HDX: variants seen among roughly 807,000 people sequenced by gnomAD.
HDX encodes the protein chromosome X open reading frame 43.
In HDX, 19 loss-of-function variants were observed where a neutral mutation model predicts 45.2. The observed-to-expected ratio is 0.42, with a 90% confidence interval of 0.29 to 0.62. The LOEUF is 0.62. Ranked by LOEUF, HDX falls within the 20% of genes least tolerant of loss-of-function variation. The pLI, the probability that HDX is intolerant of heterozygous loss-of-function variation, is 0.20. For missense variants in HDX, 532 were observed against 493.9 expected (o/e 1.08, Z -0.73); for synonymous variants, 188 against 172.8 (o/e 1.09, Z -0.69).
intron 5 of HDX, among the ~76,000 whole-genome samples, chrX:84,386,162 T>C (rs950780379): frequency 7.2e-5 from 8 of 111,705 alleles, no homozygotes; most frequent in African/African-American, 2.6e-4. Flanking sequence ...CATTCATTGA[T>C]TTATGTATGT....
At chrX:84,490,024 C>T (rs1250048812) in intron 1 of HDX, among the ~76,000 whole-genome samples, 1 of 111,761 alleles carries the variant, frequency 8.9e-6, no homozygotes, top group Non-Finnish European at 1.9e-5. Context: ...TTAGTAATTT[C>T]CAACTTTTAA....
chrX:84,377,188 T>C (rs890559174), intron 5 of HDX, among the ~76,000 whole-genome samples: 3 of 112,382 alleles, frequency 2.7e-5, no homozygotes, highest in African/African-American at 9.7e-5. Context: ...CACAGCGTTA[T>C]TGGTCTTGAG....
At chrX:84,454,160 G>A (rs777039903) in intron 4 of HDX, among the ~76,000 whole-genome samples, 1 of 111,343 alleles carries the variant, frequency 9.0e-6, no homozygotes, top group East Asian at 2.9e-4. Flanking sequence ...TTGTGGGCAT[G>A]GGGAAAGACA....
intron 10 of HDX, among the ~76,000 whole-genome samples, chrX:84,322,405 G>C (rs2036615544): frequency 9.0e-6 from 1 of 111,524 alleles, no homozygotes; most frequent in Non-Finnish European, 1.9e-5. Context: ...CAGTTATGCT[G>C]TCCTTTGTAG....
chrX:84,336,491 T>C (rs958381306), intron 8 of HDX, among the ~76,000 whole-genome samples: 1 of 111,439 alleles, frequency 9.0e-6, no homozygotes, highest in Non-Finnish European at 1.9e-5. Context: ...ATCAAATAGG[T>C]AGAAATCTGC....
intron 2 of HDX, among the ~76,000 whole-genome samples, chrX:84,482,664 C>G (rs2040712941): frequency 9.0e-6 from 1 of 111,143 alleles, no homozygotes; most frequent in Non-Finnish European, 1.9e-5. Context: ...GGTGGGGACA[C>G]AGCCAAACCA....
chrX:84,392,555 G>A (rs2038465909), intron 5 of HDX, among the ~76,000 whole-genome samples: 1 of 110,704 alleles, frequency 9.0e-6, no homozygotes, highest in African/African-American at 3.3e-5. Flanking sequence ...TGTGCATGGG[G>A]TGTCTTTTCA....
intron 9 of HDX, among the ~76,000 whole-genome samples, 185 bp downstream of exon 9, chrX:84,333,574 T>C (rs1236253601): frequency 9.0e-6 from 1 of 110,996 alleles, no homozygotes; most frequent in Non-Finnish European, 1.9e-5. Flanking sequence ...CCTAAGATCA[T>C]AACCCCTAAA....
chrX:84,393,932 A>G (rs1360094638), intron 5 of HDX, among the ~76,000 whole-genome samples: 16 of 49,406 alleles, frequency 3.2e-4, no homozygotes, highest in African/African-American at 1.0e-3. Flanking sequence ...ATGGTTGATC[A>G]ATTTTGTTCA....
At chrX:84,356,972 T>A (rs981897759) in intron 6 of HDX, among the ~76,000 whole-genome samples, 1 of 111,131 alleles carries the variant, frequency 9.0e-6, no homozygotes, top group African/African-American at 3.3e-5. Flanking sequence ...TTAAAGAGAT[T>A]CTGTCCGTGT....
chrX:84,489,140 C>A (rs1326297689), intron 1 of HDX, among the ~76,000 whole-genome samples: 1 of 111,433 alleles, frequency 9.0e-6, no homozygotes, highest in Non-Finnish European at 1.9e-5. Flanking sequence ...CTTGGATTTG[C>A]TGGAGGAATG....
At chrX:84,346,843 A>C (rs968113707) in intron 6 of HDX, among the ~76,000 whole-genome samples, 2 of 111,669 alleles carry the variant, frequency 1.8e-5, no homozygotes, top group African/African-American at 6.5e-5. Context: ...AATTCTTAGA[A>C]ATGGTAATAA....
In HDX at chrX:84,469,035, A is replaced by G. The variant is rs750074440; in HGVS notation, c.688T>C (p.Ser230Pro). ...CKIEPVGIQR[S>P]YKPEHTGPAL... ...GGGCCTGTGTGTTCAGGCTTATATG[A>G]CCTTTGAATCCCAACTGGTTCAATT... The change falls in exon 4 of 11, where the codon TCA (serine) becomes CCA (proline). Residue 230 changes from serine (S) to proline (P), a missense_variant. This residue lies in a region of HDX where 376 missense variants were observed against 343.7 expected (regional missense o/e 1.09). Coordinates refer to ENST00000373177, the MANE Select transcript of HDX (RefSeq NM_001177479.2). The G allele has an allele frequency of 1.7e-6, 2 of 1,211,364 alleles. No individual in the cohort carries two copies. Among genetic ancestry groups the G allele is most frequent in the Non-Finnish European group, 2.2e-6 (2 of 895,275 alleles).
intron 5 of HDX, among the ~76,000 whole-genome samples, chrX:84,414,038 T>G (rs1024010010): frequency 6.3e-5 from 7 of 111,791 alleles, no homozygotes; most frequent in Non-Finnish European, 1.3e-4. Flanking sequence ...TTAAGTTTCA[T>G]AGACTTGTAG....
chrX:84,392,296 C>T (rs776778426), intron 5 of HDX, among the ~76,000 whole-genome samples: 53 of 111,369 alleles, frequency 4.8e-4, no homozygotes, highest in East Asian at 2.8e-4. Context: ...TATATCAATA[C>T]CATACTCTTT....
At chrX:84,493,522 C>A (rs1402693411) in intron 1 of HDX, among the ~76,000 whole-genome samples, 4 of 111,768 alleles carry the variant, frequency 3.6e-5, no homozygotes, top group Non-Finnish European at 7.5e-5. Flanking sequence ...TGTACACATA[C>A]TCCACATAAA....
chrX:84,392,518 T>A (rs1169091067), intron 5 of HDX, among the ~76,000 whole-genome samples: 1 of 111,443 alleles, frequency 9.0e-6, no homozygotes, highest in Non-Finnish European at 1.9e-5. Context: ...GTATAATAAT[T>A]TTAATGATCT....
chrX:84,486,245 T>A (rs1011008752), intron 2 of HDX, among the ~76,000 whole-genome samples: 41 of 111,585 alleles, frequency 3.7e-4, no homozygotes, highest in African/African-American at 1.2e-3. Flanking sequence ...ACATTTAATA[T>A]TTTACAACCT....
intron 6 of HDX, among the ~76,000 whole-genome samples, chrX:84,356,062 T>C (rs1334702946): frequency 9.0e-6 from 1 of 110,917 alleles, no homozygotes; most frequent in Non-Finnish European, 1.9e-5. Context: ...GTTTGCTTCC[T>C]ATACTTCTTA....
Sources: gnomAD v4.1 joint callset for allele counts (sites outside exome capture counted in the v4.1 genomes callset) on GRCh38, gnomAD v4.1.1 for gene constraint, gnomAD v4.1.1 regional missense constraint, MANE v1.5 for transcripts, NCBI Gene and HGNC (gene_info 2026-07-23, HGNC 2026-07-21) for gene names.